Variants in BCL7A observed in about 807,000 individuals in gnomAD.
The protein encoded by BCL7A is B-cell CLL/lymphoma 7 protein family member A.
In BCL7A, 11 loss-of-function variants were observed where a neutral mutation model predicts 28.4. That is an observed-to-expected ratio of 0.39 (90% confidence interval 0.24 to 0.64). The LOEUF is 0.64. Among genes scored for constraint, BCL7A ranks in the 30% least tolerant of loss-of-function variants. BCL7A has a pLI of 0.50. For synonymous variants in BCL7A, 123 were observed against 103.3 expected, an observed-to-expected ratio of 1.19 and a Z score of -1.15; for missense variants, 222 against 274.8, an observed-to-expected ratio of 0.81 and a Z score of 1.36.
chr12:122,050,031 G>A (rs1884158230), intron 4 of BCL7A, among the ~76,000 whole-genome samples: 1 of 152,192 alleles, frequency 6.6e-6, no homozygotes, highest in Non-Finnish European at 1.5e-5. Flanking sequence ...GCGGAGTGCA[G>A]TGATGCAATC....
intron 2 of BCL7A, among the ~76,000 whole-genome samples, chr12:122,033,737 G>A (rs1347396083): frequency 3.9e-5 from 6 of 152,186 alleles, no homozygotes; most frequent in Non-Finnish European, 5.9e-5. Flanking sequence ...GATTACAGGC[G>A]TGAGCCACCA....
intron 3 of BCL7A, among the ~76,000 whole-genome samples, chr12:122,036,642 C>T (rs1883862422): frequency 8.2e-6 from 1 of 122,254 alleles, no homozygotes; most frequent in Non-Finnish European, 1.5e-5. Flanking sequence ...CCCCAGTGTC[C>T]CCCGCAGGTC....
At chr12:122,050,367 A>G (rs1884166540) in intron 4 of BCL7A, among the ~76,000 whole-genome samples, 1 of 151,996 alleles carries the variant, frequency 6.6e-6, no homozygotes, top group African/African-American at 2.4e-5. Context: ...AAATGTTTCC[A>G]GTTGTTAACC....
intron 2 of BCL7A, 116 bp downstream of exon 2, chr12:122,030,897 C>A (rs1883729052): frequency 3.7e-6 from 4 of 1,075,420 alleles, no homozygotes; most frequent in Non-Finnish European, 5.6e-6. Context: ...CCAAGAGCCC[C>A]TGGGAGTAGA....
At chr12:122,034,698 C>T (rs145518864) in intron 2 of BCL7A, among the ~76,000 whole-genome samples, 78 of 150,892 alleles carry the variant, frequency 5.2e-4, no homozygotes, top group African/African-American at 1.8e-3. Flanking sequence ...GCCATGATCA[C>T]GCCACTGCAC....
At position 122,054,786 on chromosome 12, in the gene BCL7A, C is replaced by G. The variant is rs752744811; in HGVS notation, c.440-19C>G. ...TCACGTGTCTGAAAACAGCTCCTGT[C>G]GTCTTGCTCTTCCCTCAGATGCTTC... On this transcript the variant is annotated intron_variant, in intron 4 of 5. Coordinates refer to ENST00000261822, the MANE Select transcript of BCL7A (RefSeq NM_001024808.3). 5 of 1,608,628 alleles carry G rather than the reference C, an allele frequency of 3.1e-6. No homozygotes were observed. Among genetic ancestry groups the G allele is most frequent in the Non-Finnish European group, 4.3e-6 (5 of 1,176,390 alleles).
At chr12:122,035,964 C>T (rs1280863979) in intron 3 of BCL7A, among the ~76,000 whole-genome samples, 1 of 152,112 alleles carries the variant, frequency 6.6e-6, no homozygotes, top group Non-Finnish European at 1.5e-5. Flanking sequence ...CCTCAGCCTC[C>T]CAAGCAGCTG....
In BCL7A at chr12:122,059,314, G is replaced by T; in HGVS notation, c.*151G>T. ...GTGCAAATCCAAGAAGACCCAGAAC[G>T]GCGTCACTTCTCAGACACTGAAGAA... On this transcript the variant is annotated 3_prime_UTR_variant, in exon 6 of 6. Transcript: ENST00000261822. The surrounding 1 kb of genome is among the most constrained non-coding windows in gnomAD (Gnocchi z 4.0). The T allele has an allele frequency of 1.5e-6, 1 of 675,032 alleles. No individual in the cohort carries two copies. Among genetic ancestry groups the T allele is most frequent in the Non-Finnish European group, 2.5e-6 (1 of 399,570 alleles). The allele number at this position is 675,032 out of a possible 1,614,324, so 41.8% of individuals were successfully genotyped here.
chr12:122,060,824 G>GC lies in BCL7A; in HGVS notation c.*1662dup, dbSNP rs1951915112. ...TTTTAAGGGATCCTGTCTATTTCCT[G>GC]CACTTCGAGAAGAATCAAAATGTTC... On this transcript the variant is annotated 3_prime_UTR_variant, in exon 6 of 6. Transcript: ENST00000261822. The GC allele has an allele frequency of 4.4e-6, 1 of 225,686 alleles. No individual in the cohort carries two copies. The highest frequency in any genetic ancestry group is 8.7e-6 in the Non-Finnish European group (1 of 114,412). 14.0% of individuals were successfully genotyped at this position (225,686 alleles called of 1,614,324 possible).
intron 3 of BCL7A, among the ~76,000 whole-genome samples, chr12:122,040,635 C>T (rs1167374877): frequency 4.6e-5 from 7 of 151,786 alleles, no homozygotes; most frequent in Non-Finnish European, 8.8e-5. Context: ...ACACAGGTGC[C>T]CTGTTGACTT....
At chr12:122,041,790 G>A (rs919468177) in intron 3 of BCL7A, among the ~76,000 whole-genome samples, 11 of 152,202 alleles carry the variant, frequency 7.2e-5, no homozygotes, top group Admixed American at 6.5e-4. Context: ...ATAAATGGCT[G>A]GGTGTGGTGG....
chr12:122,042,145 C>G (rs1013504179), intron 3 of BCL7A, among the ~76,000 whole-genome samples: 1 of 152,170 alleles, frequency 6.6e-6, no homozygotes, highest in Non-Finnish European at 1.5e-5. Context: ...GGCCCCAGCT[C>G]TGCCCCCAGC....
At chr12:122,023,965 C>T (rs564717954) in intron 1 of BCL7A, among the ~76,000 whole-genome samples, 3 of 152,322 alleles carry the variant, frequency 2.0e-5, no homozygotes, top group East Asian at 1.9e-4. Context: ...GGGCCTCCTA[C>T]TCCAGGTTCC....
intron 4 of BCL7A, 199 bp downstream of exon 4, chr12:122,044,252 T>A: frequency 1.6e-6 from 1 of 612,002 alleles, no homozygotes; most frequent in Non-Finnish European, 2.7e-6. Flanking sequence ...CTCATGCCTG[T>A]AATCCCTGCA....
At chr12:122,031,948 TC>T (rs1449589272) in intron 2 of BCL7A, among the ~76,000 whole-genome samples, 4 of 152,094 alleles carry the variant, frequency 2.6e-5, no homozygotes, top group African/African-American at 9.7e-5. Context: ...CCTGGGCCAT[TC>T]CCCCCTGCCT....
intron 1 of BCL7A, among the ~76,000 whole-genome samples, chr12:122,023,139 C>CG (rs1190719092): frequency 6.6e-6 from 1 of 152,196 alleles, no homozygotes; most frequent in Admixed American, 6.5e-5. Context: ...GCGGCCTCGT[C>CG]GGGGTCTGCT....
intron 4 of BCL7A, among the ~76,000 whole-genome samples, chr12:122,053,291 C>G (rs925514736): frequency 2.0e-5 from 3 of 152,198 alleles, no homozygotes; most frequent in Non-Finnish European, 2.9e-5. Context: ...CCGCCGCGCC[C>G]GGCCAGGGCT....
intron 1 of BCL7A, among the ~76,000 whole-genome samples, chr12:122,023,703 GTGCCCGGTGCCCGA>G (rs1479849802): frequency 6.6e-6 from 1 of 152,198 alleles, no homozygotes; most frequent in Admixed American, 6.5e-5. Flanking sequence ...GGTACACAGG[GTGCCCGGTGCCCGA>G]CTGGAGCCAT....
intron 3 of BCL7A, among the ~76,000 whole-genome samples, chr12:122,037,231 G>A (rs1231277079): frequency 6.6e-6 from 1 of 152,180 alleles, no homozygotes; most frequent in Non-Finnish European, 1.5e-5. Context: ...TGCCTGGCCT[G>A]CTAGGACAAG....
Sources: allele counts gnomAD v4.1 joint callset (sites outside exome capture counted in the v4.1 genomes callset), GRCh38; gene constraint gnomAD v4.1.1; non-coding constraint Gnocchi (gnomAD v3.1); transcripts MANE v1.5; gene names NCBI Gene and HGNC (gene_info 2026-07-23, HGNC 2026-07-21).